Variants in PAFAH1B1 observed in about 807,000 individuals in gnomAD.
The protein encoded by PAFAH1B1 is platelet-activating factor acetylhydrolase IB subunit beta.
PAFAH1B1 carries 2 observed loss-of-function variants against 57.5 expected under a neutral mutation model. That is an observed-to-expected ratio of 0.03 (90% confidence interval 0.01 to 0.11). The LOEUF (loss-of-function observed/expected upper bound fraction) is 0.11, where lower values mean the gene tolerates loss of function less well. Among genes scored for constraint, PAFAH1B1 ranks in the 10% least tolerant of loss-of-function variants. The probability of loss-of-function intolerance (pLI) is 1.00; values close to 1 mark genes in which losing one functional copy is unlikely to be tolerated. For synonymous variants in PAFAH1B1, 152 were observed against 169.6 expected (o/e 0.90, Z 0.81); for missense variants, 257 against 512.0 (o/e 0.50, Z 4.81).
intron 9 of PAFAH1B1, among the ~76,000 whole-genome samples, chr17:2,677,629 C>G (rs1407251024): frequency 6.6e-6 from 1 of 151,574 alleles, no homozygotes; most frequent in South Asian, 2.1e-4. Flanking sequence ...CCGAGGCGAG[C>G]AGATCACGAG....
At chr17:2,610,762 A>T (rs2068259122) in intron 1 of PAFAH1B1, among the ~76,000 whole-genome samples, 1 of 152,214 alleles carries the variant, frequency 6.6e-6, no homozygotes, top group African/African-American at 2.4e-5. Context: ...CATAAAGAGG[A>T]TTATGTTGTA....
chr17:2,653,880 C>T (rs2068900372), intron 2 of PAFAH1B1, among the ~76,000 whole-genome samples: 1 of 152,138 alleles, frequency 6.6e-6, no homozygotes, highest in African/African-American at 2.4e-5. Context: ...GCAATCTCGG[C>T]TTACTGCAAC....
intron 1 of PAFAH1B1, among the ~76,000 whole-genome samples, chr17:2,633,186 T>C (rs760741519): frequency 3.3e-5 from 5 of 151,844 alleles, no homozygotes; most frequent in Non-Finnish European, 7.4e-5. Context: ...TTTTTTTTTT[T>C]TGGAGCTGGA....
intron 1 of PAFAH1B1, among the ~76,000 whole-genome samples, chr17:2,625,710 G>C (rs1020206175): frequency 6.6e-6 from 1 of 152,154 alleles, no homozygotes; most frequent in Non-Finnish European, 1.5e-5. Context: ...AGAATCGCTT[G>C]AGCCCAGGAA....
intron 5 of PAFAH1B1, 95 bp downstream of exon 5, chr17:2,667,293 C>T: frequency 1.2e-6 from 1 of 854,476 alleles, no homozygotes; most frequent in Non-Finnish European, 2.0e-6. Context: ...GAGATTGCAC[C>T]ACTGCACTCC....
intron 2 of PAFAH1B1, among the ~76,000 whole-genome samples, chr17:2,663,861 A>T (rs2069055329): frequency 6.6e-6 from 1 of 151,248 alleles, no homozygotes; most frequent in African/African-American, 2.4e-5. Flanking sequence ...CACCTGGCTA[A>T]TTTTTGTATT....
chr17:2,660,538 A>G (rs2069001155), intron 2 of PAFAH1B1, among the ~76,000 whole-genome samples: 1 of 152,082 alleles, frequency 6.6e-6, no homozygotes, highest in African/African-American at 2.4e-5. Flanking sequence ...TCTGCTGAGG[A>G]TGGTGGCTTC....
rs535212273 is a variant in PAFAH1B1, at chr17:2,644,529, G to A, written c.32+6209G>A. ...TTGTACTTCAGCCTGGGCAACAAGA[G>A]TGAGACTCCATCTCAAAAAATAAAT... On this transcript the variant is annotated intron_variant, in intron 2 of 10. Transcript: ENST00000397195. Among the ~76,000 whole-genome samples the A allele has an allele frequency of 3.8e-3, 575 of 151,960 alleles. 2 individuals are homozygous for A. Among genetic ancestry groups the A allele is most frequent in the African/African-American group, 0.013 (543 of 41,272 alleles).
At chr17:2,631,200 C>A (rs558100363) in intron 1 of PAFAH1B1, among the ~76,000 whole-genome samples, 1 of 151,898 alleles carries the variant, frequency 6.6e-6, no homozygotes, top group South Asian at 2.1e-4. Context: ...AAGGTTGGAC[C>A]ACTGCACTTC....
chr17:2,679,964 G>C, intron 9 of PAFAH1B1, 200 bp from the exon 10 acceptor site: 1 of 587,838 alleles, frequency 1.7e-6, no homozygotes, highest in Non-Finnish European at 3.0e-6. Flanking sequence ...CCTCATCCAG[G>C]ACCCAGTCAG....
At chr17:2,644,208 T>C (rs1454165932) in intron 2 of PAFAH1B1, among the ~76,000 whole-genome samples, 3 of 151,912 alleles carry the variant, frequency 2.0e-5, no homozygotes, top group South Asian at 2.1e-4. Context: ...TGGAACTTTT[T>C]CCATATAAGC....
Position 2,597,403 on chromosome 17 carries a change from C to CTTTTTT in PAFAH1B1, c.-191+3417_-191+3422dup, listed in dbSNP as rs1187594089. ...GCTTTTCTAGCTAGAACATCCGTGT[C>CTTTTTT]TTTTTTTTTTTTTTTTTTTTTTTTT... On this transcript the variant is annotated intron_variant, in intron 1 of 10. Coordinates refer to ENST00000397195, the MANE Select transcript of PAFAH1B1 (RefSeq NM_000430.4). Among the ~76,000 whole-genome samples, 310 of 64,402 alleles carry CTTTTTT rather than the reference C, an allele frequency of 4.8e-3. 20 individuals are homozygous for CTTTTTT. Among genetic ancestry groups the CTTTTTT allele is most frequent in the Non-Finnish European group, 6.8e-3 (245 of 35,900 alleles). The allele number at this position is 64,402 out of a possible 152,430, so 42.3% of individuals were successfully genotyped here. A position where few individuals can be genotyped will look rare whatever the true frequency, so the allele number is the denominator to read the frequency against.
chr17:2,601,422 C>T (rs551491313), intron 1 of PAFAH1B1, among the ~76,000 whole-genome samples: 13 of 151,050 alleles, frequency 8.6e-5, no homozygotes, highest in African/African-American at 2.4e-4. Flanking sequence ...CATGAGCCAC[C>T]GTGCCCAGCC....
intron 1 of PAFAH1B1, among the ~76,000 whole-genome samples, chr17:2,595,056 C>T (rs1326335964): frequency 1.3e-5 from 2 of 151,990 alleles, no homozygotes; most frequent in Non-Finnish European, 2.9e-5. Flanking sequence ...GGGTTTGGGC[C>T]CAATTTATAT....
At chr17:2,662,898 G>A (rs2069037624) in intron 2 of PAFAH1B1, among the ~76,000 whole-genome samples, 1 of 152,054 alleles carries the variant, frequency 6.6e-6, no homozygotes, top group African/African-American at 2.4e-5. Context: ...ATCACCTGAG[G>A]TCAGGAGTTT....
At chr17:2,656,808 A>G (rs779751220) in intron 2 of PAFAH1B1, among the ~76,000 whole-genome samples, 4 of 152,200 alleles carry the variant, frequency 2.6e-5, no homozygotes, top group Middle Eastern at 3.2e-3. Flanking sequence ...CTTCTGATAA[A>G]TAGGTCTTTT....
chr17:2,665,488 GT>G (rs781517263), intron 3 of PAFAH1B1, 32 bp downstream of exon 3: 2 of 1,200,622 alleles, frequency 1.7e-6, no homozygotes, highest in African/African-American at 3.0e-5. Flanking sequence ...TCAAAGTATA[GT>G]TAATGAGTGG....
At chr17:2,670,078 TGCCA>T (rs2069159854) in intron 5 of PAFAH1B1, 81 bp from the exon 6 acceptor site, 1 of 1,053,642 alleles carries the variant, frequency 9.5e-7, no homozygotes, top group Non-Finnish European at 1.5e-6. Flanking sequence ...CTCAGTAAGG[TGCCA>T]GACTGGCCTG....
chr17:2,665,290 T>C, intron 2 of PAFAH1B1, 82 bp from the exon 3 acceptor site: 1 of 806,344 alleles, frequency 1.2e-6, no homozygotes, highest in Non-Finnish European at 2.2e-6. Flanking sequence ...TCTTCAGGGT[T>C]AATGAGATTT....
Sources: allele counts gnomAD v4.1 joint callset (sites outside exome capture counted in the v4.1 genomes callset), GRCh38; gene constraint gnomAD v4.1.1; transcripts MANE v1.5; gene names NCBI Gene and HGNC (gene_info 2026-07-23, HGNC 2026-07-21).